Variants in ZNF69 observed in about 807,000 individuals in gnomAD.
ZNF69 encodes the protein ZNF3.
In ZNF69, 47 loss-of-function variants were observed where a neutral mutation model predicts 50.9. The ratio of observed to expected loss-of-function variants is 0.92; its 90% CI spans 0.73 to 1.18. ZNF69 has a LOEUF of 1.18. Among genes scored for constraint, ZNF69 ranks in the 50% most tolerant of loss-of-function variants. ZNF69 has a pLI of 0.00. For synonymous variants in ZNF69, 216 were observed against 223.1 expected (o/e 0.97, Z 0.29); for missense variants, 717 against 675.1 (o/e 1.06, Z -0.69).
chr19:11,900,322 A>C (rs551890396), intron 1 of ZNF69, among the ~76,000 whole-genome samples: 4 of 149,918 alleles, frequency 2.7e-5, no homozygotes, highest in African/African-American at 9.8e-5. Context: ...CCATAATTAC[A>C]TTCTTTAGGG....
the ZNF69 span, chr19:11,978,604 C>T: frequency 2.7e-5 from 43 of 1,614,014 alleles, no homozygotes; most frequent in Non-Finnish European, 3.3e-5. Flanking sequence ...GGAGAGAAAC[C>T]GTATGAATGT....
At chr19:11,949,082 T>G in the ZNF69 span, 2 of 1,610,724 alleles carry the variant, frequency 1.2e-6, no homozygotes, top group Non-Finnish European at 1.7e-6. Flanking sequence ...CAAACACACA[T>G]AAGAATGAAC....
At chr19:11,965,923 G>C in the ZNF69 span, among the ~76,000 whole-genome samples, 1 of 152,140 alleles carries the variant, frequency 6.6e-6, no homozygotes, top group Non-Finnish European at 1.5e-5. Flanking sequence ...CTGTGGAAGG[G>C]GGGTTAGAAG....
At chr19:11,949,424 C>G in the ZNF69 span, 45 of 1,612,942 alleles carry the variant, frequency 2.8e-5, no homozygotes, top group Non-Finnish European at 3.6e-5. Context: ...CATGGTAGGA[C>G]TCATACTGGA....
chr19:11,966,267 T>C, the ZNF69 span, among the ~76,000 whole-genome samples: 1 of 152,220 alleles, frequency 6.6e-6, no homozygotes, highest in African/African-American at 2.4e-5. Flanking sequence ...TAAGGAGACC[T>C]GTCTCACCTG....
the ZNF69 span, chr19:11,956,640 C>A: frequency 2.5e-6 from 1 of 397,946 alleles, no homozygotes; most frequent in South Asian, 1.3e-4. Flanking sequence ...TGGAGCATCT[C>A]AGGTAAGGAG....
the ZNF69 span, among the ~76,000 whole-genome samples, chr19:11,953,951 G>A: frequency 6.6e-6 from 1 of 152,050 alleles, no homozygotes; most frequent in Non-Finnish European, 1.5e-5. Flanking sequence ...AGCATTTTCT[G>A]GTTATATATG....
At chr19:11,976,840 T>G in the ZNF69 span, 2 of 1,417,438 alleles carry the variant, frequency 1.4e-6, no homozygotes, top group Non-Finnish European at 9.2e-7. Flanking sequence ...GGCAACAAGT[T>G]GTTGTTTTGA....
intron 1 of ZNF69, among the ~76,000 whole-genome samples, chr19:11,891,818 A>G (rs1435103560): frequency 6.6e-6 from 1 of 152,062 alleles, no homozygotes; most frequent in Admixed American, 6.6e-5. Flanking sequence ...GTGACTGGCA[A>G]GGAGTGTTTC....
chr19:11,930,114 G>A, the ZNF69 span, among the ~76,000 whole-genome samples: 2 of 148,200 alleles, frequency 1.3e-5, 1 homozygote, highest in Non-Finnish European at 2.9e-5. Context: ...AATGACTAGT[G>A]GTGGAGGAGA....
chr19:11,920,615 C>T, the ZNF69 span, among the ~76,000 whole-genome samples: 10 of 142,464 alleles, frequency 7.0e-5, no homozygotes, highest in African/African-American at 1.3e-4. Flanking sequence ...AGGCTGGGCG[C>T]GGTGGTTCAC....
At chr19:11,955,542 C>T in the ZNF69 span, among the ~76,000 whole-genome samples, 8 of 151,974 alleles carry the variant, frequency 5.3e-5, no homozygotes, top group Middle Eastern at 6.8e-3. Flanking sequence ...CACAGGTGCA[C>T]GCCACCATGC....
the ZNF69 span, among the ~76,000 whole-genome samples, chr19:11,924,662 G>A: frequency 1.3e-5 from 2 of 152,056 alleles, no homozygotes; most frequent in Non-Finnish European, 2.9e-5. Flanking sequence ...GCTTGGCCAC[G>A]CCTCATCCCC....
At chr19:11,973,920 T>C in the ZNF69 span, among the ~76,000 whole-genome samples, 2 of 152,116 alleles carry the variant, frequency 1.3e-5, no homozygotes, top group African/African-American at 2.4e-5. Flanking sequence ...GTCTTCCAAA[T>C]TGGCTGTAGA....
chr19:11,969,150 G>T, the ZNF69 span, among the ~76,000 whole-genome samples: 2 of 152,312 alleles, frequency 1.3e-5, no homozygotes, highest in East Asian at 3.9e-4. Context: ...TGTCGGCTAG[G>T]CTGGAGTGCA....
chr19:11,912,910 ATAAT>A (rs1972478289), intron 4 of ZNF69, among the ~76,000 whole-genome samples: 1 of 152,244 alleles, frequency 6.6e-6, no homozygotes, highest in South Asian at 2.1e-4. Context: ...TTAAGAAGCT[ATAAT>A]AGTAAGGCCG....
the ZNF69 span, among the ~76,000 whole-genome samples, chr19:11,921,079 A>G: frequency 2.0e-5 from 3 of 152,160 alleles, no homozygotes; most frequent in African/African-American, 7.2e-5. Context: ...GCCCCTTTCT[A>G]ATAAGTCTAT....
chr19:11,963,088 A>AGAGAGAGAGAGAGAGAGAGAGTGTGTGT, the ZNF69 span, among the ~76,000 whole-genome samples: 40 of 138,306 alleles, frequency 2.9e-4, no homozygotes, highest in African/African-American at 1.1e-3. Flanking sequence ...AGAGAGAGAG[A>AGAGAGAGAGAGAGAGAGAGAGTGTGTGT]GTGTGTGTGT....
chr19:11,939,420 A>G, the ZNF69 span, among the ~76,000 whole-genome samples: 3 of 152,160 alleles, frequency 2.0e-5, no homozygotes, highest in African/African-American at 7.2e-5. Flanking sequence ...TAAGGAAGGG[A>G]TCCAGTTTCA....
Sources: allele counts gnomAD v4.1 joint callset (sites outside exome capture counted in the v4.1 genomes callset), GRCh38; gene constraint gnomAD v4.1.1; transcripts MANE v1.5; gene names NCBI Gene and HGNC (gene_info 2026-07-23, HGNC 2026-07-21).